PCDH15: variants seen among roughly 807,000 people sequenced by gnomAD.
The protein encoded by PCDH15 is protocadherin-15.
PCDH15 carries 129 observed loss-of-function variants against 178.5 expected under a neutral mutation model. That is an observed-to-expected ratio of 0.72 (90% CI 0.63 to 0.84). PCDH15 has a LOEUF of 0.84. Ranked by LOEUF, PCDH15 falls within the 40% of genes least tolerant of loss-of-function variation. PCDH15 has a pLI of 0.00. For missense variants in PCDH15, 2,230 were observed against 2,099.9 expected, an observed-to-expected ratio of 1.06 and a Z score of -1.21; for synonymous variants, 800 against 732.0, an observed-to-expected ratio of 1.09 and a Z score of -1.50.
chr10:55,222,033 ATT>A (rs59795608), intron 1 of PCDH15, among the ~76,000 whole-genome samples: 8 of 138,850 alleles, frequency 5.8e-5, no homozygotes, highest in African/African-American at 1.3e-4. Context: ...CACCCGGCTA[ATT>A]TTTTTTTTTT....
intron 13 of PCDH15, among the ~76,000 whole-genome samples, chr10:54,158,830 G>A (rs545874525): frequency 2.2e-4 from 33 of 152,160 alleles, no homozygotes; most frequent in East Asian, 1.9e-3. Flanking sequence ...ATTATGGGCC[G>A]GAAGCTGTGG....
At chr10:54,632,358 C>A (rs969663659) in intron 2 of PCDH15, among the ~76,000 whole-genome samples, 15 of 152,018 alleles carry the variant, frequency 9.9e-5, no homozygotes, top group Non-Finnish European at 1.9e-4. Context: ...GTGATGGGAT[C>A]AATCATACCC....
At chr10:54,166,159 A>T (rs1002501481) in intron 13 of PCDH15, among the ~76,000 whole-genome samples, 1 of 152,112 alleles carries the variant, frequency 6.6e-6, no homozygotes, top group African/African-American at 2.4e-5. Context: ...CATCTTCAAC[A>T]TCATATTATC....
intron 26 of PCDH15, among the ~76,000 whole-genome samples, chr10:53,892,106 C>A (rs1589280105): frequency 6.9e-6 from 1 of 145,754 alleles, no homozygotes. Flanking sequence ...CTCACTGCAA[C>A]CTCAGACGCC....
At chr10:54,829,262 G>C (rs1953182965) in intron 3 of PCDH15, among the ~76,000 whole-genome samples, 1 of 151,950 alleles carries the variant, frequency 6.6e-6, no homozygotes, top group Non-Finnish European at 1.5e-5. Context: ...AGAGAGACTA[G>C]ATGAGAGGTC....
chr10:54,200,772 C>T (rs1337993741), intron 10 of PCDH15, among the ~76,000 whole-genome samples: 1 of 152,080 alleles, frequency 6.6e-6, no homozygotes, highest in Non-Finnish European at 1.5e-5. Context: ...TTGGTGGTTT[C>T]CCCTTTTCTC....
chr10:54,621,968 G>T (rs187173158), intron 2 of PCDH15, among the ~76,000 whole-genome samples: 4 of 152,172 alleles, frequency 2.6e-5, no homozygotes, highest in Non-Finnish European at 5.9e-5. Flanking sequence ...GCAAAGTGGA[G>T]AATCATTTTT....
chr10:55,413,630 C>A (rs1838401048), intron 2 of PCDH15, among the ~76,000 whole-genome samples: 1 of 151,536 alleles, frequency 6.6e-6, no homozygotes, highest in African/African-American at 2.4e-5. Context: ...ATACATTTTA[C>A]AGTATTTCCT....
At chr10:54,767,964 C>T (rs1264978695) in intron 1 of PCDH15, among the ~76,000 whole-genome samples, 1 of 152,040 alleles carries the variant, frequency 6.6e-6, no homozygotes, top group Non-Finnish European at 1.5e-5. Flanking sequence ...AATAATAACG[C>T]ATCAATATTT....
At chr10:54,088,340 G>C (rs767963746) in intron 16 of PCDH15, among the ~76,000 whole-genome samples, 1 of 151,998 alleles carries the variant, frequency 6.6e-6, no homozygotes. Flanking sequence ...TGTGCTTGTT[G>C]GCCATTCACA....
intron 2 of PCDH15, among the ~76,000 whole-genome samples, chr10:54,979,542 G>A (rs1017448338): frequency 6.6e-6 from 1 of 151,786 alleles, no homozygotes; most frequent in African/African-American, 2.4e-5. Flanking sequence ...GGTGATACGT[G>A]CCTGTAGTCC....
At chr10:54,143,891 T>C (rs770894458) in intron 14 of PCDH15, among the ~76,000 whole-genome samples, 1 of 152,110 alleles carries the variant, frequency 6.6e-6, no homozygotes, top group Non-Finnish European at 1.5e-5. Context: ...TGGGACACAA[T>C]TGGAGGAAGT....
At chr10:54,171,958 G>A (rs886476303) in intron 13 of PCDH15, among the ~76,000 whole-genome samples, 10 of 150,378 alleles carry the variant, frequency 6.6e-5, no homozygotes, top group Admixed American at 2.0e-4. Flanking sequence ...GAGAAACATC[G>A]CCCATTCTCT....
At chr10:54,078,365 CTAAAA>C (rs1297203497) in intron 17 of PCDH15, among the ~76,000 whole-genome samples, 6 of 151,416 alleles carry the variant, frequency 4.0e-5, no homozygotes, top group South Asian at 4.2e-4. Context: ...AGAAATCCTC[CTAAAA>C]TAAATGTGAA....
At chr10:55,256,951 T>G (rs1842016056) in intron 1 of PCDH15, among the ~76,000 whole-genome samples, 3 of 151,970 alleles carry the variant, frequency 2.0e-5, no homozygotes, top group Admixed American at 2.0e-4. Context: ...GACCCCTGAG[T>G]AGACTAACTG....
chr10:54,153,017 G>T, intron 14 of PCDH15, 83 bp downstream of exon 14: 23 of 1,454,222 alleles, frequency 1.6e-5, no homozygotes, highest in South Asian at 2.4e-5. Flanking sequence ...TAGGATAAAA[G>T]AATACTTGCC....
intron 1 of PCDH15, among the ~76,000 whole-genome samples, chr10:55,187,819 A>G (rs979577324): frequency 2.0e-5 from 3 of 152,028 alleles, no homozygotes; most frequent in African/African-American, 7.2e-5. Flanking sequence ...TCTGGTCTTC[A>G]GAGGAGAAAA....
At chr10:54,121,736 T>A (rs569339298) in intron 15 of PCDH15, among the ~76,000 whole-genome samples, 8 of 151,916 alleles carry the variant, frequency 5.3e-5, no homozygotes, top group Non-Finnish European at 7.4e-5. Context: ...ACACACAACC[T>A]CTCAAGATTG....
At chr10:55,204,232 T>G (rs990920233) in intron 1 of PCDH15, among the ~76,000 whole-genome samples, 15 of 149,632 alleles carry the variant, frequency 1.0e-4, no homozygotes, top group African/African-American at 3.7e-4. Context: ...ATTTAATATA[T>G]TCAAGGAAGA....
Sources: allele counts gnomAD v4.1 joint callset (sites outside exome capture counted in the v4.1 genomes callset), GRCh38; gene constraint gnomAD v4.1.1; transcripts MANE v1.5; gene names NCBI Gene and HGNC (gene_info 2026-07-23, HGNC 2026-07-21).